ERO1A: variants seen among roughly 807,000 people sequenced by gnomAD.
The protein encoded by ERO1A is endoplasmic reticulum oxidoreductase 1 alpha.
Under a neutral mutation model 76.9 loss-of-function variants are expected in ERO1A, and 49 were observed. The observed-to-expected ratio is 0.64, with a 90% CI of 0.51 to 0.81. The LOEUF (loss-of-function observed/expected upper bound fraction) is 0.81, where lower values mean the gene tolerates loss of function less well. Among genes scored for constraint, ERO1A ranks in the 30% least tolerant of loss-of-function variants. The pLI, the probability that ERO1A is intolerant of heterozygous loss-of-function variation, is 0.00. For missense variants in ERO1A, 448 were observed against 542.1 expected (o/e 0.83, Z 1.72); for synonymous variants, 174 against 181.2 (o/e 0.96, Z 0.32).
intron 1 of ERO1A, among the ~76,000 whole-genome samples, chr14:52,689,781 A>T (rs11628818): frequency 0.24 from 36,034 of 152,130 alleles, 4,340 homozygotes; most frequent in South Asian, 0.27. Context: ...AATAGAAAAA[A>T]AAATTGTAAA....
At chr14:52,646,028 T>G in intron 15 of ERO1A, 126 bp downstream of exon 15, 12 of 1,122,960 alleles carry the variant, frequency 1.1e-5, no homozygotes, top group Non-Finnish European at 1.5e-5. Context: ...AGACCAAAAC[T>G]CCGTCTCAAA....
At chr14:52,675,684 G>T (rs937197869) in intron 4 of ERO1A, among the ~76,000 whole-genome samples, 3 of 152,050 alleles carry the variant, frequency 2.0e-5, no homozygotes, top group Non-Finnish European at 4.4e-5. Context: ...TCCCAGGCTG[G>T]AGTACAGTGG....
chr14:52,679,160 A>C (rs1243740524), intron 3 of ERO1A, among the ~76,000 whole-genome samples: 1 of 152,074 alleles, frequency 6.6e-6, no homozygotes, highest in Non-Finnish European at 1.5e-5. Flanking sequence ...CCCCTGCAGA[A>C]CTGTGAGCCA....
rs776771080 is a variant in ERO1A at position 52,661,298 on chromosome 14, C to T, written c.683G>A (p.Ser228Asn). Residue 228 changes from serine to asparagine, a missense_variant, in exon 9 of 16, where the codon AGT (serine) becomes AAT (asparagine). Physicochemically the swap from Ser to Asn is conservative, Grantham distance 46. Around this residue, in one of 2 missense-constraint regions of ERO1A, gnomAD observed 302 missense variants for 411.9 expected, o/e 0.73. Transcript: ENST00000395686. ...ATATAATAAATTATACTTACCTTCA[C>T]TTGTCCCTGAAAAGCAAAACAAAAT... ...LNPLASGQGT[S>N]EENTFYSWLE... 7.4e-7 allele frequency: 1 copy of T among 1,352,274 alleles called. No homozygotes were observed. Among genetic ancestry groups the T allele is most frequent in the Non-Finnish European group, 9.9e-7 (1 of 1,008,082 alleles). The allele number at this position is 1,352,274 out of a possible 1,614,324, so 83.8% of individuals were successfully genotyped here.
chr14:52,658,719 A>G (rs1423313256), intron 9 of ERO1A, among the ~76,000 whole-genome samples: 1 of 152,200 alleles, frequency 6.6e-6, no homozygotes, highest in African/African-American at 2.4e-5. Flanking sequence ...TAATTCTACA[A>G]ATACGATAAT....
chr14:52,656,262 T>C (rs1021979077), intron 11 of ERO1A, among the ~76,000 whole-genome samples: 2 of 152,204 alleles, frequency 1.3e-5, no homozygotes, highest in Admixed American at 1.3e-4. Flanking sequence ...GTCTGGCTCA[T>C]TTTGACAAAT....
chr14:52,677,776 T>G (rs1566644511), intron 4 of ERO1A, among the ~76,000 whole-genome samples: 1 of 143,060 alleles, frequency 7.0e-6, no homozygotes, highest in Non-Finnish European at 1.5e-5. Flanking sequence ...GGGGAGAGAA[T>G]CACTTTAGCC....
intron 11 of ERO1A, among the ~76,000 whole-genome samples, chr14:52,654,819 CCTT>C (rs759050988): frequency 2.4e-4 from 37 of 152,164 alleles, no homozygotes; most frequent in Non-Finnish European, 3.8e-4. Flanking sequence ...CAGCCCTTCT[CCTT>C]CTTTTTCTAT....
intron 4 of ERO1A, among the ~76,000 whole-genome samples, chr14:52,673,262 T>A (rs971350831): frequency 1.3e-5 from 2 of 151,988 alleles, no homozygotes; most frequent in Admixed American, 6.5e-5. Flanking sequence ...GCTAATTTTT[T>A]AAATTTTTTT....
intron 3 of ERO1A, among the ~76,000 whole-genome samples, chr14:52,679,947 G>T (rs2040931640): frequency 6.6e-6 from 1 of 151,792 alleles, no homozygotes; most frequent in South Asian, 2.1e-4. Context: ...GTAGTCCCAG[G>T]TACTCAGGAG....
intron 3 of ERO1A, among the ~76,000 whole-genome samples, chr14:52,680,082 C>CAAAAAAAAAAAA (rs35358193): frequency 6.8e-4 from 62 of 90,724 alleles, no homozygotes; most frequent in Non-Finnish European, 7.7e-4. Context: ...AAAACACAAA[C>CAAAAAAAAAAAA]AAAAAAAAAA....
chr14:52,656,031 C>T (rs564151674), intron 11 of ERO1A, among the ~76,000 whole-genome samples: 120 of 152,138 alleles, frequency 7.9e-4, no homozygotes, highest in Non-Finnish European at 1.4e-3. Context: ...TTTTTCAAAA[C>T]TACAAATACA....
At position 52,643,305 on chromosome 14, in the gene ERO1A, T is replaced by C. The variant is rs2039535690; in HGVS notation, c.*265A>G. On this transcript the variant is annotated 3_prime_UTR_variant, in exon 16 of 16. Transcript: ENST00000395686. ...AACATTCACTTTTATCATATATGAA[T>C]TTGATAATCCTCCTTTTATTCAATA... 4.0e-6 allele frequency: 1 copy of C among 251,154 alleles called. No homozygotes were observed. The highest frequency in any genetic ancestry group is 2.2e-5 in the African/African-American group (1 of 44,616). The allele number at this position is 251,154 out of a possible 1,614,324, so 15.6% of individuals were successfully genotyped here. A position where few individuals can be genotyped will look rare whatever the true frequency, so the allele number is the denominator to read the frequency against.
chr14:52,675,380 C>T (rs139894570), intron 4 of ERO1A, among the ~76,000 whole-genome samples: 5 of 148,782 alleles, frequency 3.4e-5, no homozygotes, highest in African/African-American at 1.2e-4. Context: ...AGCAAAACTC[C>T]GTCTCAAAAA....
At chr14:52,694,039 T>C (rs1327201908) in intron 1 of ERO1A, among the ~76,000 whole-genome samples, 1 of 152,204 alleles carries the variant, frequency 6.6e-6, no homozygotes, top group Non-Finnish European at 1.5e-5. Flanking sequence ...AAGTAAAAGT[T>C]GAAGAGTTCA....
chr14:52,653,959 A>G (rs985256416), intron 11 of ERO1A, among the ~76,000 whole-genome samples: 2 of 152,166 alleles, frequency 1.3e-5, no homozygotes, highest in African/African-American at 4.8e-5. Flanking sequence ...CAAGAAAATT[A>G]TAGAGTAAGT....
At chr14:52,672,364 A>T (rs2040631012) in intron 4 of ERO1A, 1 of 152,346 alleles carries the variant, frequency 6.6e-6, no homozygotes, top group South Asian at 2.1e-4. Flanking sequence ...TTTAGCCCAA[A>T]TATTTTCACA....
intron 3 of ERO1A, 103 bp from the exon 4 acceptor site, chr14:52,678,575 T>C (rs999293789): frequency 4.8e-6 from 5 of 1,035,328 alleles, no homozygotes; most frequent in Non-Finnish European, 7.1e-6. Flanking sequence ...TAACAAATTA[T>C]CGAAGTTGGA....
At chr14:52,667,980 T>A (rs2040467983) in intron 6 of ERO1A, among the ~76,000 whole-genome samples, 1 of 151,884 alleles carries the variant, frequency 6.6e-6, no homozygotes, top group Non-Finnish European at 1.5e-5. Flanking sequence ...GCTTGGTTAT[T>A]TTTTACTCCA....
Sources: allele counts gnomAD v4.1 joint callset (sites outside exome capture counted in the v4.1 genomes callset), GRCh38; gene constraint gnomAD v4.1.1; regional missense constraint gnomAD v4.1.1; transcripts MANE v1.5; gene names NCBI Gene and HGNC (gene_info 2026-07-23, HGNC 2026-07-21).